GPHN: variants seen among roughly 807,000 people sequenced by gnomAD.
GPHN encodes gephyrin.
A neutral mutation model predicts 95.5 loss-of-function variants in GPHN; 17 were observed. That is an observed-to-expected ratio of 0.18 (90% CI 0.12 to 0.27). The LOEUF (loss-of-function observed/expected upper bound fraction) is 0.27, where lower values mean the gene tolerates loss of function less well. Ranked by LOEUF, GPHN falls within the 10% of genes least tolerant of loss-of-function variation. The pLI, the probability that GPHN is intolerant of heterozygous loss-of-function variation, is 1.00. For missense variants in GPHN, 660 were observed against 978.1 expected, an observed-to-expected ratio of 0.67 and a Z score of 4.34; for synonymous variants, 320 against 322.5, an observed-to-expected ratio of 0.99 and a Z score of 0.08.
chr14:67,559,846 T>C, the GPHN span, among the ~76,000 whole-genome samples: 1 of 152,142 alleles, frequency 6.6e-6, no homozygotes, highest in East Asian at 1.9e-4. Flanking sequence ...TGAGACACCG[T>C]AGTTCACTTC....
chr14:67,323,204 T>TATATATACATATATACAC, the GPHN span, among the ~76,000 whole-genome samples: 1 of 141,554 alleles, frequency 7.1e-6, no homozygotes, highest in Non-Finnish European at 1.5e-5. Flanking sequence ...TATATGTGTA[T>TATATATACATATATACAC]ATATATACAT....
intron 15 of GPHN, 140 bp from the exon 16 acceptor site, chr14:67,112,878 C>T: frequency 1.4e-6 from 1 of 714,658 alleles, no homozygotes; most frequent in Non-Finnish European, 2.5e-6. Context: ...AGAATCCCTT[C>T]AATTCATTGT....
intron 3 of GPHN, among the ~76,000 whole-genome samples, chr14:66,809,268 T>C: frequency 6.6e-6 from 1 of 152,254 alleles, no homozygotes; most frequent in East Asian, 1.9e-4. Context: ...TGGAAAGTAC[T>C]GGGGGTATAT....
chr14:67,199,572 C>G, the GPHN span: 1 of 1,597,680 alleles, frequency 6.3e-7, no homozygotes, highest in African/African-American at 1.3e-5. Context: ...TGTAACCACC[C>G]TATCACCGTA....
chr14:67,377,414 G>A, the GPHN span, among the ~76,000 whole-genome samples: 354 of 152,196 alleles, frequency 2.3e-3, 2 homozygotes, highest in African/African-American at 8.2e-3. Flanking sequence ...GCTTTTCCAC[G>A]TTCTTCCTCA....
At chr14:66,714,933 G>A (rs1039439594) in intron 2 of GPHN, among the ~76,000 whole-genome samples, 3 of 152,046 alleles carry the variant, frequency 2.0e-5, no homozygotes, top group African/African-American at 7.2e-5. Flanking sequence ...TTGGTCTGTA[G>A]TTTTCTTTTA....
the GPHN span, among the ~76,000 whole-genome samples, chr14:67,247,418 T>A: frequency 5.9e-5 from 9 of 152,158 alleles, no homozygotes; most frequent in African/African-American, 1.7e-4. Context: ...TTTATTTTAG[T>A]AATTTTTTTT....
chr14:66,830,893 T>C (rs2061555690), intron 4 of GPHN, among the ~76,000 whole-genome samples: 2 of 152,108 alleles, frequency 1.3e-5, no homozygotes, highest in Admixed American at 1.3e-4. Flanking sequence ...TTACAAAAAT[T>C]GTTTTATAAT....
At chr14:67,146,649 TTGCCCAG>T (rs1324499805) in intron 18 of GPHN, among the ~76,000 whole-genome samples, 1 of 152,242 alleles carries the variant, frequency 6.6e-6, no homozygotes, top group African/African-American at 2.4e-5. Flanking sequence ...TTCATGAGGT[TTGCCCAG>T]TTATTTAGCA....
chr14:67,386,053 C>T, the GPHN span: 3 of 152,268 alleles, frequency 2.0e-5, no homozygotes, highest in African/African-American at 7.2e-5. Flanking sequence ...TATGGAGATC[C>T]TGATAGCTCC....
chr14:67,062,794 G>T (rs1299507002), intron 11 of GPHN, among the ~76,000 whole-genome samples: 5 of 152,058 alleles, frequency 3.3e-5, no homozygotes, highest in Non-Finnish European at 7.4e-5. Context: ...ATTTGTTTAA[G>T]TTCTTTTAGT....
At chr14:67,204,764 G>A in the GPHN span, 8 of 1,607,386 alleles carry the variant, frequency 5.0e-6, no homozygotes, top group Non-Finnish European at 6.8e-6. Context: ...ATTACGAATA[G>A]CACAGACATC....
the GPHN span, chr14:67,334,175 G>A: frequency 1.3e-5 from 2 of 152,408 alleles, no homozygotes; most frequent in Middle Eastern, 3.4e-3. Flanking sequence ...ATAGAAATAG[G>A]TTTTTAACCT....
chr14:66,702,766 A>G (rs2068681347), intron 2 of GPHN, among the ~76,000 whole-genome samples: 1 of 152,140 alleles, frequency 6.6e-6, no homozygotes, highest in Non-Finnish European at 1.5e-5. Flanking sequence ...GATTATAACA[A>G]CAGCAAGGAA....
chr14:66,690,679 G>A (rs953402228), intron 2 of GPHN, among the ~76,000 whole-genome samples: 14 of 152,052 alleles, frequency 9.2e-5, no homozygotes, highest in African/African-American at 3.4e-4. Flanking sequence ...ATATATCTGG[G>A]TGCTCCAATG....
At chr14:67,086,575 CCA>C (rs1364888393) in intron 11 of GPHN, among the ~76,000 whole-genome samples, 2 of 150,198 alleles carry the variant, frequency 1.3e-5, no homozygotes, top group Admixed American at 6.6e-5. Context: ...GGCGTGAACC[CCA>C]GGGGGCGGAG....
intron 8 of GPHN, among the ~76,000 whole-genome samples, chr14:66,933,534 G>A (rs1195693698): frequency 6.6e-6 from 1 of 152,186 alleles, no homozygotes; most frequent in East Asian, 1.9e-4. Context: ...GTGAAGCAAT[G>A]TGGAATAATG....
chr14:67,245,161 TTC>T, the GPHN span, among the ~76,000 whole-genome samples: 2 of 152,272 alleles, frequency 1.3e-5, no homozygotes, highest in Admixed American at 6.5e-5. Context: ...GTAAAATAAT[TTC>T]TGTTGTTTTA....
intron 7 of GPHN, 131 bp downstream of exon 7, chr14:66,923,069 G>T: frequency 1.3e-6 from 1 of 762,610 alleles, no homozygotes; most frequent in South Asian, 1.4e-5. Flanking sequence ...TAAGTGGGAT[G>T]TCCATGACAC....
Sources: allele counts gnomAD v4.1 joint callset (sites outside exome capture counted in the v4.1 genomes callset), GRCh38; gene constraint gnomAD v4.1.1; transcripts MANE v1.5; gene names NCBI Gene and HGNC (gene_info 2026-07-23, HGNC 2026-07-21).